Variants in EPG5 observed in about 807,000 individuals in gnomAD.
EPG5 encodes ectopic P granules protein 5 homolog.
A neutral mutation model predicts 302.7 loss-of-function variants in EPG5; 159 were observed. The ratio of observed to expected loss-of-function variants is 0.53; its 90% CI spans 0.46 to 0.60. EPG5 has a LOEUF of 0.60. Ranked by LOEUF, EPG5 falls within the 20% of genes least tolerant of loss-of-function variation. EPG5 has a pLI of 0.00. For synonymous variants in EPG5, 1,158 were observed against 1,136.8 expected (o/e 1.02, Z -0.37); for missense variants, 2,896 against 3,092.4 (o/e 0.94, Z 1.51).
intron 27 of EPG5, among the ~76,000 whole-genome samples, chr18:45,890,492 A>G (rs576635493): frequency 6.6e-6 from 1 of 152,282 alleles, no homozygotes; most frequent in Admixed American, 6.5e-5. Context: ...AAATTCACCA[A>G]TTTAGGTTCC....
At chr18:45,910,151 A>C (rs1023469659) in intron 23 of EPG5, among the ~76,000 whole-genome samples, 2 of 151,868 alleles carry the variant, frequency 1.3e-5, no homozygotes, top group African/African-American at 4.8e-5. Context: ...AGGCTTGGCT[A>C]ATTTTTTTTT....
chr18:45,946,631 T>G (rs769336596), intron 7 of EPG5, 32 bp downstream of exon 7: 2 of 1,500,352 alleles, frequency 1.3e-6, no homozygotes, highest in African/African-American at 2.7e-5. Context: ...TTCACAATGA[T>G]TCATCAAAAT....
intron 1 of EPG5, among the ~76,000 whole-genome samples, chr18:45,958,394 T>C (rs1252611381): frequency 1.3e-5 from 2 of 152,116 alleles, no homozygotes; most frequent in East Asian, 3.8e-4. Context: ...AAGAACAAAG[T>C]TGGAGAACTC....
At chr18:45,889,518 A>T (rs2049292996) in intron 28 of EPG5, among the ~76,000 whole-genome samples, 1 of 152,188 alleles carries the variant, frequency 6.6e-6, no homozygotes, top group African/African-American at 2.4e-5. Context: ...CCAGATAGTT[A>T]ATATTTTCTG....
At chr18:45,948,886 G>T (rs931173030) in intron 5 of EPG5, among the ~76,000 whole-genome samples, 2 of 152,164 alleles carry the variant, frequency 1.3e-5, no homozygotes, top group Non-Finnish European at 2.9e-5. Context: ...TACCTAATAA[G>T]ATTCAGACTT....
In EPG5 at chr18:45,954,507, G is replaced by T; in HGVS notation, c.895C>A (p.Arg299=). The change falls in exon 2 of 44, where the codon CGA becomes AGA. Residue 299 remains arginine, a synonymous_variant. Transcript: ENST00000282041. ...EFYELLLNYS[R]CRKQLLLAEA... is the part of the protein sequence containing the mutation. The stretch of plus-strand genomic sequence containing the variant: ...GCCAGCAGCAGTTGCTTCCTACATC[G>T]TGAGTAGTTCAAAAGCAACTCATAA... 1 of 1,614,232 alleles carries T rather than the reference G, an allele frequency of 6.2e-7. No homozygotes were observed. Among genetic ancestry groups the T allele is most frequent in the Non-Finnish European group, 8.5e-7 (1 of 1,180,028 alleles).
the EPG5 span, chr18:45,838,969 G>C: frequency 6.2e-7 from 1 of 1,603,676 alleles, no homozygotes; most frequent in Non-Finnish European, 8.5e-7. Context: ...CGAGGCCAGC[G>C]TCTACCTGTT....
rs1438033923 is a variant in EPG5 at position 45,952,501 on chromosome 18, T to C, written c.1151A>G (p.Tyr384Cys). 6.2e-7 allele frequency: 1 copy of C among 1,614,188 alleles called. No homozygotes were observed. The highest frequency in any genetic ancestry group is 2.2e-5 in the East Asian group (1 of 44,886). ...HLHQTLALHS[Y>C]TSVLSRLQVE... ...TTGCAATCTTGAGAGCACAGAAGTA[T>C]AAGAATGAAGGGCCAGGGTCTGGTG... The change falls in exon 3 of 44, where the codon TAT becomes TGT. Residue 384 changes from tyrosine (Y) to cysteine (C), a missense_variant. This residue lies in a region of EPG5 where 1,390 missense variants were observed against 1,430.0 expected (regional missense o/e 0.97). Coordinates refer to ENST00000282041, the MANE Select transcript of EPG5 (RefSeq NM_020964.3).
At chr18:45,910,794 C>T (rs1486386933) in intron 22 of EPG5, 52 bp from the exon 23 acceptor site, 1 of 1,450,170 alleles carries the variant, frequency 6.9e-7, no homozygotes, top group African/African-American at 1.4e-5. Context: ...GATGTACTTT[C>T]TGTATGGCAT....
At chr18:45,873,730 G>A (rs947602259) in intron 35 of EPG5, among the ~76,000 whole-genome samples, 2 of 152,000 alleles carry the variant, frequency 1.3e-5, no homozygotes, top group African/African-American at 4.8e-5. Flanking sequence ...TAGTTTTGTA[G>A]GGAGCAAAAA....
chr18:45,854,111 G>GA (rs2048467330), intron 43 of EPG5, among the ~76,000 whole-genome samples: 1 of 152,182 alleles, frequency 6.6e-6, no homozygotes, highest in Admixed American at 6.5e-5. Flanking sequence ...AGGAGACGTA[G>GA]TCTTCTCAAA....
chr18:45,935,192 G>A (rs1191414156), intron 10 of EPG5, among the ~76,000 whole-genome samples: 1 of 152,210 alleles, frequency 6.6e-6, no homozygotes, highest in African/African-American at 2.4e-5. Context: ...GCATGTGTGT[G>A]TGTATACATG....
rs761477031 is a variant in EPG5 at position 45,923,297 on chromosome 18, C to A, written c.2809G>T (p.Ala937Ser). The A allele has an allele frequency of 2.7e-5, 43 of 1,613,860 alleles. No homozygotes were observed. The Admixed American group carries it at 4.8e-4, about 18-fold the overall frequency. ...TTCATACTTTCAGAGAGAATCCCAG[C>A]ATATGGCTTCTGTGCAAGGTACTTC... ...YQKYLAQKPYAGILSESMKQV... is the reference protein window; with the variant it reads ...YQKYLAQKPYSGILSESMKQV... The change falls in exon 15 of 44, where the codon GCT (alanine) becomes TCT (serine). Residue 937 changes from alanine (A) to serine (S), a missense_variant. Ala to Ser is a moderately conservative substitution (Grantham distance 99). This residue lies in a region of EPG5 where 1,390 missense variants were observed against 1,430.0 expected (regional missense o/e 0.97). Coordinates refer to ENST00000282041, the MANE Select transcript of EPG5 (RefSeq NM_020964.3).
chr18:45,923,495 GA>G, intron 14 of EPG5, 108 bp from the exon 15 acceptor site: 2 of 1,210,516 alleles, frequency 1.7e-6, no homozygotes, highest in Non-Finnish European at 2.3e-6. Flanking sequence ...CTTCGATGTA[GA>G]AGCTAAATGT....
intron 43 of EPG5, among the ~76,000 whole-genome samples, chr18:45,854,173 C>T (rs999752066): frequency 3.3e-5 from 5 of 152,188 alleles, no homozygotes; most frequent in African/African-American, 1.2e-4. Context: ...TATTCATCTG[C>T]CCACTGGGAT....
rs1280541540 is a variant in EPG5, at chr18:45,848,190, T to G, written c.*4277A>C. 1 of 152,228 alleles carries G rather than the reference T, an allele frequency of 6.6e-6. No individual in the cohort carries two copies. Among genetic ancestry groups the G allele is most frequent in the Non-Finnish European group, 1.5e-5 (1 of 68,032 alleles). 9.4% of individuals were successfully genotyped at this position (152,228 alleles called of 1,614,324 possible). On this transcript the variant is annotated 3_prime_UTR_variant, in exon 44 of 44. Transcript: ENST00000282041. ...GAAGATGGTAGAAGGGGATACTTTC[T>G]TTTAATCAACACACTTATTTCCCAA...
chr18:45,838,719 C>T, the EPG5 span: 2 of 1,572,744 alleles, frequency 1.3e-6, no homozygotes, highest in Admixed American at 3.5e-5. Flanking sequence ...CCCCTGCAGC[C>T]GCGCCGCGGA....
rs757958571 is a variant in EPG5, at chr18:45,943,231, C to A, written c.1873G>T (p.Ala625Ser). Residue 625 changes from alanine (A) to serine (S), a missense_variant, in exon 9 of 44, where the codon GCT becomes TCT. By Grantham distance (99) the Ala-to-Ser change is moderately conservative. Transcript: ENST00000282041. ...AFANSLVELLAVGLETFNRAR... is the reference protein window; with the variant it reads ...AFANSLVELLSVGLETFNRAR... ...CTATTAAAGGTTTCTAACCCCACAG[C>A]CAGAAGTTCCACTAGTGAGTTGGCA... 4.3e-6 allele frequency: 7 copies of A among 1,613,992 alleles called. No homozygotes were observed. The highest frequency in any genetic ancestry group is 5.1e-6 in the Non-Finnish European group (6 of 1,180,022).
chr18:45,927,370 T>C (rs942098682), intron 13 of EPG5, among the ~76,000 whole-genome samples: 3 of 152,142 alleles, frequency 2.0e-5, no homozygotes, highest in Non-Finnish European at 2.9e-5. Flanking sequence ...AAAATGACCA[T>C]GTACTGCCAC....
Sources: gnomAD v4.1 joint callset for allele counts (sites outside exome capture counted in the v4.1 genomes callset) on GRCh38, gnomAD v4.1.1 for gene constraint, gnomAD v4.1.1 regional missense constraint, MANE v1.5 for transcripts, NCBI Gene and HGNC (gene_info 2026-07-23, HGNC 2026-07-21) for gene names.